Variants in PTPRM observed in about 807,000 individuals in gnomAD.
PTPRM encodes receptor-type tyrosine-protein phosphatase mu.
A neutral mutation model predicts 186.7 loss-of-function variants in PTPRM; 47 were observed. That is an observed-to-expected ratio of 0.25 (90% CI 0.20 to 0.32). The LOEUF (loss-of-function observed/expected upper bound fraction) is 0.32, where lower values mean the gene tolerates loss of function less well. Among genes scored for constraint, PTPRM ranks in the 10% least tolerant of loss-of-function variants. PTPRM has a pLI of 1.00. For missense variants in PTPRM, 1,494 were observed against 1,865.0 expected (o/e 0.80, Z 3.66); for synonymous variants, 668 against 674.9 (o/e 0.99, Z 0.16).
intron 13 of PTPRM, among the ~76,000 whole-genome samples, chr18:8,135,831 T>G (rs1315169143): frequency 2.0e-5 from 3 of 152,182 alleles, no homozygotes; most frequent in Non-Finnish European, 4.4e-5. Context: ...AGGCTCTACA[T>G]TTTTTGAGCC....
At chr18:7,618,304 A>G (rs1014308898) in intron 1 of PTPRM, among the ~76,000 whole-genome samples, 1 of 152,170 alleles carries the variant, frequency 6.6e-6, no homozygotes, top group African/African-American at 2.4e-5. Context: ...TAATCAACTA[A>G]GTTTTCATGC....
chr18:8,298,612 A>C (rs2147896284), intron 20 of PTPRM, among the ~76,000 whole-genome samples: 1 of 152,382 alleles, frequency 6.6e-6, no homozygotes, highest in African/African-American at 2.4e-5. Flanking sequence ...TATGCCAGAC[A>C]CTACTCTAAG....
At position 7,712,674 on chromosome 18, in the gene PTPRM, A is replaced by G. The variant is rs1350820250; in HGVS notation, c.74-61475A>G. On this transcript the variant is annotated intron_variant, in intron 1 of 32. Coordinates refer to ENST00000580170, the MANE Select transcript of PTPRM (RefSeq NM_001105244.2). ...AATAACCAGTTTAGAGAAGAACATA[A>G]ATGACCTGATGGAACTGAAAAACAC... Among the ~76,000 whole-genome samples, 6 of 152,096 alleles carry G rather than the reference A, an allele frequency of 3.9e-5. No individual in the cohort carries two copies. In the South Asian group the frequency reaches 1.2e-3, roughly 32 times the overall value.
intron 1 of PTPRM, among the ~76,000 whole-genome samples, chr18:7,612,174 G>C (rs554415247): frequency 6.6e-6 from 1 of 152,000 alleles, no homozygotes; most frequent in East Asian, 1.9e-4. Context: ...TTGTGTATGT[G>C]CTCTGTGTGT....
intron 7 of PTPRM, among the ~76,000 whole-genome samples, chr18:7,976,309 G>A (rs530219626): frequency 6.6e-6 from 1 of 152,308 alleles, no homozygotes; most frequent in East Asian, 1.9e-4. Context: ...GGAGAGGCAG[G>A]GATAAATAGG....
At position 7,576,772 on chromosome 18, in the gene PTPRM, A is replaced by C. The variant is rs577556999; in HGVS notation, c.73+8881A>C. Among the ~76,000 whole-genome samples the C allele has an allele frequency of 2.0e-5, 3 of 152,316 alleles. No homozygotes were observed. In the South Asian group the frequency reaches 6.2e-4, roughly 32 times the overall value. On this transcript the variant is annotated intron_variant, in intron 1 of 32. Transcript: ENST00000580170. ...AGATGTCAGCCACTCTGCCTGGCCC[A>C]GCCTGTTTTTGATGGATACTATTTG... is the stretch of plus-strand genomic sequence containing the variant.
chr18:7,863,208 A>T (rs548338118), intron 2 of PTPRM, among the ~76,000 whole-genome samples: 30 of 152,050 alleles, frequency 2.0e-4, no homozygotes, highest in South Asian at 1.5e-3. Context: ...GATTAAAAAA[A>T]TTTTTTCATT....
chr18:8,181,316 G>A (rs943995790), intron 14 of PTPRM, among the ~76,000 whole-genome samples: 2 of 152,182 alleles, frequency 1.3e-5, no homozygotes, highest in African/African-American at 4.8e-5. Flanking sequence ...AATTAACACA[G>A]TCTGCTAAAA....
At chr18:8,216,300 T>C (rs1005035) in intron 14 of PTPRM, among the ~76,000 whole-genome samples, 112,946 of 152,062 alleles carry the variant, frequency 0.74, 42,478 homozygotes, top group East Asian at 0.86. Flanking sequence ...GGGTATACAT[T>C]TTTGTGCACT....
rs188422617 is a variant in PTPRM, at chr18:8,105,513, A to G, written c.1857-7973A>G. The stretch of plus-strand genomic sequence containing the variant: ...GTAGATGTATTTGAGCTTTTATACA[A>G]TGAAACTTAATTTAACTTTCCCTCA... On this transcript the variant is annotated intron_variant, in intron 11 of 32. Coordinates refer to ENST00000580170, the MANE Select transcript of PTPRM (RefSeq NM_001105244.2). Among the ~76,000 whole-genome samples, 4 of 152,368 alleles carry G rather than the reference A, an allele frequency of 2.6e-5. No homozygotes were observed. The East Asian group carries it at 7.7e-4, about 29-fold the overall frequency.
At chr18:8,038,532 C>A (rs75542998) in intron 7 of PTPRM, among the ~76,000 whole-genome samples, 3 of 152,100 alleles carry the variant, frequency 2.0e-5, no homozygotes, top group Non-Finnish European at 4.4e-5. Context: ...GCTGGAATTA[C>A]AAGCGTGTAC....
At chr18:7,707,222 A>T (rs1167694627) in intron 1 of PTPRM, among the ~76,000 whole-genome samples, 1 of 152,172 alleles carries the variant, frequency 6.6e-6, no homozygotes, top group East Asian at 1.9e-4. Flanking sequence ...TCATGAAGGG[A>T]GAAAAGTGTT....
chr18:7,760,818 T>C (rs531090886), intron 1 of PTPRM, among the ~76,000 whole-genome samples: 1 of 152,182 alleles, frequency 6.6e-6, no homozygotes, highest in Admixed American at 6.5e-5. Context: ...GTTGATAGGG[T>C]TGGACTCACC....
intron 14 of PTPRM, among the ~76,000 whole-genome samples, chr18:8,241,018 G>A (rs368883244): frequency 1.3e-5 from 2 of 152,274 alleles, no homozygotes; most frequent in African/African-American, 4.8e-5. Context: ...GGGGGTGATA[G>A]ATGATGTATA....
At chr18:8,227,300 A>G (rs1183821791) in intron 14 of PTPRM, among the ~76,000 whole-genome samples, 1 of 152,200 alleles carries the variant, frequency 6.6e-6, no homozygotes, top group Non-Finnish European at 1.5e-5. Context: ...GTTATCATTC[A>G]TGCACCTGAA....
chr18:7,873,152 C>G (rs1371719582), intron 2 of PTPRM, among the ~76,000 whole-genome samples: 1 of 152,166 alleles, frequency 6.6e-6, no homozygotes, highest in African/African-American at 2.4e-5. Flanking sequence ...ATACTGTCAT[C>G]ATAAGCATAG....
At chr18:8,084,185 A>G (rs1259145985) in intron 9 of PTPRM, among the ~76,000 whole-genome samples, 3 of 152,170 alleles carry the variant, frequency 2.0e-5, no homozygotes, top group Non-Finnish European at 4.4e-5. Context: ...TGCTTGGCAC[A>G]TGAGAGGGGC....
intron 13 of PTPRM, among the ~76,000 whole-genome samples, chr18:8,115,445 T>G (rs534872902): frequency 3.9e-5 from 6 of 152,296 alleles, no homozygotes; most frequent in Admixed American, 3.9e-4. Context: ...CAGAAGCAAG[T>G]GCAGACGTGT....
Position 8,326,136 on chromosome 18 carries a change from T to C in PTPRM, c.2956+6922T>C, listed in dbSNP as rs2095374794. On this transcript the variant is annotated intron_variant, in intron 22 of 32. Coordinates refer to ENST00000580170, the MANE Select transcript of PTPRM (RefSeq NM_001105244.2). ...CCCATTCTGTAGGTTTTTCTGTTTA[T>C]TCTCTGGATAGTTTTTCTTGTTGTG... is the stretch of plus-strand genomic sequence containing the variant. 2.0e-5 allele frequency among the ~76,000 whole-genome samples: 3 copies of C among 152,226 alleles called. No individual in the cohort carries two copies. In the South Asian group the frequency reaches 6.2e-4, roughly 32 times the overall value.
Sources: allele counts gnomAD v4.1 joint callset (sites outside exome capture counted in the v4.1 genomes callset), GRCh38; gene constraint gnomAD v4.1.1; transcripts MANE v1.5; gene names NCBI Gene and HGNC (gene_info 2026-07-23, HGNC 2026-07-21).